Variants in TNPO3 observed in about 807,000 individuals in gnomAD.
The protein encoded by TNPO3 is transportin 3, also known as transportin-3.
Under a neutral mutation model 122.8 loss-of-function variants are expected in TNPO3, and 65 were observed. That is an observed-to-expected ratio of 0.53 (90% CI 0.43 to 0.65). TNPO3 has a LOEUF of 0.65. Among genes scored for constraint, TNPO3 ranks in the 30% least tolerant of loss-of-function variants. The pLI is 0.00. For missense variants in TNPO3, 850 were observed against 1,136.7 expected (o/e 0.75, Z 3.63); for synonymous variants, 372 against 411.2 (o/e 0.90, Z 1.15).
chr7:128,961,475 A>G (rs1466528987), intron 21 of TNPO3, among the ~76,000 whole-genome samples: 1 of 152,194 alleles, frequency 6.6e-6, no homozygotes, highest in Non-Finnish European at 1.5e-5. Flanking sequence ...AGTATACTCC[A>G]TGACGTTTGC....
At position 128,999,054 on chromosome 7, in the gene TNPO3, T is replaced by C. The variant is rs543826291; in HGVS notation, c.1011+1375A>G. ...TTTTAGTAAAGATGGGGTTTCATCA[T>C]GTTGGTCAGGCTGGTCTTGAACTCC... On this transcript the variant is annotated intron_variant, in intron 7 of 22. Transcript: ENST00000265388. Among the ~76,000 whole-genome samples the C allele has an allele frequency of 6.6e-5, 10 of 152,236 alleles. No homozygotes were observed. The East Asian group carries it at 1.7e-3, about 26-fold the overall frequency.
intron 19 of TNPO3, among the ~76,000 whole-genome samples, chr7:128,971,412 C>T (rs899034444): frequency 1.3e-5 from 2 of 152,220 alleles, no homozygotes; most frequent in African/African-American, 4.8e-5. Context: ...TCCCAAAGTG[C>T]TGGGATTACA....
rs769697312 is a variant in TNPO3, at chr7:128,975,894, C to T, written c.2103G>A (p.Leu701=). ...CATCCACAAGGATACTGCCAAGGTA[C>T]AGGAAGCAGGAATGCTGATGTACGT... ...VYHVHQHSCF[L]YLGSILVDEY... The change falls in exon 17 of 23, where the codon CTG becomes CTA. Residue 701 remains leucine (L), a synonymous_variant. Coordinates refer to ENST00000265388, the MANE Select transcript of TNPO3 (RefSeq NM_012470.4). The T allele has an allele frequency of 5.6e-6, 9 of 1,613,974 alleles. No homozygotes were observed. The highest frequency in any genetic ancestry group is 1.3e-5 in the African/African-American group (1 of 74,926).
At chr7:129,018,305 A>T in intron 1 of TNPO3, 148 bp from the exon 2 acceptor site, 2 of 738,092 alleles carry the variant, frequency 2.7e-6, no homozygotes, top group Non-Finnish European at 4.3e-6. Flanking sequence ...TTCAGCCAAC[A>T]GTTCAATATA....
intron 18 of TNPO3, among the ~76,000 whole-genome samples, chr7:128,974,557 C>T (rs1425791996): frequency 1.3e-5 from 2 of 152,046 alleles, no homozygotes; most frequent in Non-Finnish European, 2.9e-5. Flanking sequence ...ATCGCAACAG[C>T]ACGAACAGTT....
rs377351896 is a variant in TNPO3, at chr7:129,054,915, C to T, written c.-145G>A. The T allele has an allele frequency of 6.2e-5, 69 of 1,109,176 alleles. No homozygotes were observed. The highest frequency in any genetic ancestry group is 8.8e-5 in the Non-Finnish European group (69 of 780,932). The allele number at this position is 1,109,176 out of a possible 1,614,324, so 68.7% of individuals were successfully genotyped here. A position where few individuals can be genotyped will look rare whatever the true frequency, so the allele number is the denominator to read the frequency against. On this transcript the variant is annotated 5_prime_UTR_variant, in exon 1 of 23. Transcript: ENST00000265388. ...TCCTCCTCTTTGGCCGTTACCAGGGCAGAAGGCTCTCCGTGGAAGTTGCCC... is the reference window on the plus strand; with the variant it reads ...TCCTCCTCTTTGGCCGTTACCAGGGTAGAAGGCTCTCCGTGGAAGTTGCCC...
At chr7:129,023,457 T>C (rs918497717) in intron 1 of TNPO3, among the ~76,000 whole-genome samples, 1 of 152,130 alleles carries the variant, frequency 6.6e-6, no homozygotes, top group Non-Finnish European at 1.5e-5. Context: ...ACAACTTGCA[T>C]CCCTAGTGCC....
chr7:128,963,829 T>C (rs919194961), intron 21 of TNPO3, among the ~76,000 whole-genome samples: 3 of 152,250 alleles, frequency 2.0e-5, no homozygotes, highest in African/African-American at 4.8e-5. Flanking sequence ...AAGTTCATTT[T>C]CTTTCCCTTC....
At chr7:129,055,797 CTG>C (rs1809406039), upstream of TNPO3, 2 of 451,690 alleles carry the variant, frequency 4.4e-6, no homozygotes, top group Non-Finnish European at 7.9e-6. Context: ...ATATTGGAAA[CTG>C]TACTATGGAG....
intron 1 of TNPO3, among the ~76,000 whole-genome samples, chr7:129,032,649 G>A (rs931903146): frequency 1.3e-5 from 2 of 152,070 alleles, no homozygotes; most frequent in South Asian, 4.1e-4. Flanking sequence ...GCTTAACCAA[G>A]GAGACAAAAG....
intron 4 of TNPO3, among the ~76,000 whole-genome samples, chr7:129,013,976 G>T (rs55900917): frequency 6.6e-6 from 1 of 152,060 alleles, no homozygotes; most frequent in African/African-American, 2.4e-5. Context: ...GAAGGGTAAC[G>T]GGGAGGGGAC....
At chr7:129,026,666 A>C (rs904687900) in intron 1 of TNPO3, among the ~76,000 whole-genome samples, 1 of 152,156 alleles carries the variant, frequency 6.6e-6, no homozygotes, top group African/African-American at 2.4e-5. Flanking sequence ...GGTCTCCCAA[A>C]GTGCTGGGAT....
At chr7:128,976,870 T>C (rs965306437) in intron 16 of TNPO3, among the ~76,000 whole-genome samples, 4 of 152,216 alleles carry the variant, frequency 2.6e-5, no homozygotes, top group Admixed American at 1.3e-4. Flanking sequence ...CCATTCCATG[T>C]TGTAAACTCA....
chr7:129,039,206 T>C (rs1807064354), intron 1 of TNPO3, among the ~76,000 whole-genome samples: 1 of 152,096 alleles, frequency 6.6e-6, no homozygotes, highest in Admixed American at 6.5e-5. Context: ...ACACTGCTGG[T>C]AGGAGTGTAA....
In TNPO3 at chr7:128,978,804, G is replaced by A. The variant is rs144953867; in HGVS notation, c.2061+179C>T. 0.012 allele frequency among the ~76,000 whole-genome samples: 1,896 copies of A among 152,124 alleles called. 46 individuals are homozygous for A. The highest frequency in any genetic ancestry group is 0.044 in the African/African-American group (1,806 of 41,508). ...CCGCCACCATGCCTGGCTAATTTTTGTATTTTTAGTAGAGACAGGGTTTCA... is the reference window on the plus strand; with the variant it reads ...CCGCCACCATGCCTGGCTAATTTTTATATTTTTAGTAGAGACAGGGTTTCA... On this transcript the variant is annotated intron_variant, in intron 16 of 22. Coordinates refer to ENST00000265388, the MANE Select transcript of TNPO3 (RefSeq NM_012470.4).
At chr7:128,964,336 T>TC (rs1797737553) in intron 21 of TNPO3, among the ~76,000 whole-genome samples, 1 of 132,636 alleles carries the variant, frequency 7.5e-6, no homozygotes, top group Non-Finnish European at 1.5e-5. Flanking sequence ...AAACAATCTT[T>TC]TTTTTTTTTT....
At chr7:128,961,490 C>A (rs1024091225) in intron 21 of TNPO3, among the ~76,000 whole-genome samples, 1 of 152,196 alleles carries the variant, frequency 6.6e-6, no homozygotes, top group Non-Finnish European at 1.5e-5. Flanking sequence ...GTTTGCACAA[C>A]AACTAAACCA....
chr7:129,009,452 T>TC (rs1381848359), intron 4 of TNPO3, among the ~76,000 whole-genome samples: 26 of 152,200 alleles, frequency 1.7e-4, no homozygotes, highest in African/African-American at 6.0e-4. Context: ...ACTAATTTCA[T>TC]CCCCTGGGTT....
At chr7:128,978,940 A>C in intron 16 of TNPO3, 43 bp downstream of exon 16, 1 of 1,607,048 alleles carries the variant, frequency 6.2e-7, no homozygotes, top group South Asian at 1.1e-5. Flanking sequence ...CCTATTTCAA[A>C]TTCTGTACAT....
Sources: allele counts gnomAD v4.1 joint callset (sites outside exome capture counted in the v4.1 genomes callset), GRCh38; gene constraint gnomAD v4.1.1; transcripts MANE v1.5; gene names NCBI Gene and HGNC (gene_info 2026-07-23, HGNC 2026-07-21).